Variants in PRSS12 observed in about 807,000 individuals in gnomAD.
The protein encoded by PRSS12 is serine protease 12.
PRSS12 carries 85 observed loss-of-function variants against 104.4 expected under a neutral mutation model. That is an observed-to-expected ratio of 0.81 (90% CI 0.68 to 0.98). The LOEUF (loss-of-function observed/expected upper bound fraction) is 0.98, where lower values mean the gene tolerates loss of function less well. Among genes scored for constraint, PRSS12 ranks in the 50% least tolerant of loss-of-function variants. The pLI, the probability that PRSS12 is intolerant of heterozygous loss-of-function variation, is 0.00. For missense variants in PRSS12, 1,141 were observed against 1,139.2 expected (o/e 1.00, Z -0.02); for synonymous variants, 454 against 425.2 (o/e 1.07, Z -0.83).
Position 118,282,165 on chromosome 4 carries a change from C to T in PRSS12, c.2399G>A (p.Gly800Asp), listed in dbSNP as rs553524540. The T allele has an allele frequency of 3.7e-6, 6 of 1,614,214 alleles. No individual in the cohort carries two copies. The South Asian group carries it at 6.6e-5, about 18-fold the overall frequency. Residue 800 changes from glycine to aspartate, a missense_variant, in exon 13 of 13, where the codon GGT becomes GAT. Physicochemically the swap from Gly to Asp is moderately conservative, Grantham distance 94. Transcript: ENST00000296498. ...PKRFCEERYK[G>D]RFTGRMLCAG... ...ACAAAGCATTCTCCCTGTAAACCGA[C>T]CCTTATAACGTTCTTCACAAAACCT...
At chr4:118,318,049 TG>T (rs1723495826) in intron 5 of PRSS12, among the ~76,000 whole-genome samples, 2 of 152,176 alleles carry the variant, frequency 1.3e-5, no homozygotes, top group Non-Finnish European at 2.9e-5. Flanking sequence ...AATAGATGAA[TG>T]GACTAAAGAT....
intron 11 of PRSS12, among the ~76,000 whole-genome samples, chr4:118,292,016 C>T (rs1020695385): frequency 1.3e-5 from 2 of 151,594 alleles, no homozygotes; most frequent in African/African-American, 4.8e-5. Context: ...CGATGACACG[C>T]GTATACCTAT....
intron 7 of PRSS12, among the ~76,000 whole-genome samples, chr4:118,309,903 T>C (rs766136827): frequency 2.0e-5 from 3 of 152,212 alleles, no homozygotes; most frequent in Admixed American, 6.5e-5. Flanking sequence ...CATTTTTTAC[T>C]TCTCCATCCT....
Position 118,298,930 on chromosome 4 carries a change from G to T in PRSS12, c.1640C>A (p.Ala547Asp), listed in dbSNP as rs201005601. The change falls in exon 9 of 13, where the codon GCC (alanine) becomes GAC (aspartate). Residue 547 changes from alanine to aspartate, a missense_variant. Transcript: ENST00000296498. ...ICRQLGYKGP[A>D]RARTMAYFGE... is the part of the protein sequence containing the mutation. ...AAAGTAAGCCATGGTTCTTGCTCTGGCAGGACCCCTGAAGACAGAACATTC... is the reference window on the plus strand; with the variant it reads ...AAAGTAAGCCATGGTTCTTGCTCTGTCAGGACCCCTGAAGACAGAACATTC... 199 of 1,613,948 alleles carry T rather than the reference G, an allele frequency of 1.2e-4. No individual in the cohort carries two copies. The highest frequency in any genetic ancestry group is 1.5e-4 in the Non-Finnish European group (174 of 1,180,012).
chr4:118,295,619 T>C (rs373195788), intron 10 of PRSS12, among the ~76,000 whole-genome samples, 159 bp downstream of exon 10: 1 of 152,190 alleles, frequency 6.6e-6, no homozygotes, highest in Non-Finnish European at 1.5e-5. Flanking sequence ...CAAGTAAACA[T>C]AGGTCAAAGG....
chr4:118,343,232 A>C (rs1295285587), intron 1 of PRSS12, among the ~76,000 whole-genome samples: 1 of 152,042 alleles, frequency 6.6e-6, no homozygotes, highest in Non-Finnish European at 1.5e-5. Flanking sequence ...TTACAAAAAA[A>C]AAAAAATTAA....
chr4:118,308,245 T>C (rs974960071), intron 8 of PRSS12, among the ~76,000 whole-genome samples, 191 bp downstream of exon 8: 3 of 152,244 alleles, frequency 2.0e-5, no homozygotes, highest in Non-Finnish European at 2.9e-5. Flanking sequence ...TAATATTTTC[T>C]GTGAGTAGAA....
intron 11 of PRSS12, 63 bp from the exon 12 acceptor site, chr4:118,283,174 G>T: frequency 6.4e-7 from 1 of 1,554,874 alleles, no homozygotes. Context: ...TGTCAAGAAG[G>T]AAGACTAATG....
intron 8 of PRSS12, chr4:118,305,961 A>T (rs1440263895): frequency 6.6e-6 from 1 of 152,104 alleles, no homozygotes; most frequent in African/African-American, 2.4e-5. Flanking sequence ...TTCTTCATCC[A>T]TTCATTTAGG....
chr4:118,338,042 C>T, intron 2 of PRSS12, 134 bp downstream of exon 2: 1 of 1,165,216 alleles, frequency 8.6e-7, no homozygotes, highest in East Asian at 2.5e-5. Flanking sequence ...TTCTTTATAG[C>T]TCTTTTGTGA....
At position 118,316,837 on chromosome 4, in the gene PRSS12, A is replaced by AAAAAAAATATAT. The variant is rs35698159; in HGVS notation, c.1151-515_1151-514insATATATTTTTTT. 7.5e-3 allele frequency among the ~76,000 whole-genome samples: 747 copies of AAAAAAAATATAT among 99,126 alleles called. 7 individuals are homozygous for AAAAAAAATATAT. Among genetic ancestry groups the AAAAAAAATATAT allele is most frequent in the African/African-American group, 0.015 (441 of 28,848 alleles). The allele number at this position is 99,126 out of a possible 152,430, so 65.0% of individuals were successfully genotyped here. A position where few individuals can be genotyped will look rare whatever the true frequency, so the allele number is the denominator to read the frequency against. On this transcript the variant is annotated intron_variant, in intron 5 of 12. Transcript: ENST00000296498. ...ACTCCGTCTCACGGAAAAAAAAAAA[A>AAAAAAAATATAT]ATATATATATATATATATATCTTTC...
Position 118,315,163 on chromosome 4 carries a change from T to C in PRSS12, c.1292+1019A>G, listed in dbSNP as rs77431768. On this transcript the variant is annotated intron_variant, in intron 6 of 12. Coordinates refer to ENST00000296498, the MANE Select transcript of PRSS12 (RefSeq NM_003619.4). ...TGACCTAATATTAAGTAAATTACAGTATGAAAATTCTGTGGATATTGTTTT... is the reference window on the plus strand; with the variant it reads ...TGACCTAATATTAAGTAAATTACAGCATGAAAATTCTGTGGATATTGTTTT... 1.5e-3 allele frequency among the ~76,000 whole-genome samples: 228 copies of C among 152,232 alleles called. 1 individual carries two copies. The highest frequency in any genetic ancestry group is 0.01 in the Middle Eastern group (3 of 292).
intron 4 of PRSS12, among the ~76,000 whole-genome samples, chr4:118,322,770 T>C (rs1021911696): frequency 6.6e-6 from 1 of 151,894 alleles, no homozygotes; most frequent in Admixed American, 6.6e-5. Flanking sequence ...GGTTCCTTTT[T>C]ACAGGGAAGA....
At chr4:118,337,406 G>A (rs1452916474) in intron 2 of PRSS12, among the ~76,000 whole-genome samples, 1 of 152,148 alleles carries the variant, frequency 6.6e-6, no homozygotes, top group Admixed American at 6.5e-5. Flanking sequence ...AATAAAACCT[G>A]TTGTCCCAAA....
chr4:118,282,027 CAGG>C lies in PRSS12; in HGVS notation c.2534_2536del (p.Ser845del). ...ATCCTTGACTCCACAGCCATACCCC[CAGG>C]AGGTCACCCCATACACCACCCAGCT... On this transcript the variant is annotated inframe_deletion, in exon 13 of 13. Coordinates refer to ENST00000296498, the MANE Select transcript of PRSS12 (RefSeq NM_003619.4). The C allele has an allele frequency of 6.2e-7, 1 of 1,613,246 alleles. No homozygotes were observed. Among genetic ancestry groups the C allele is most frequent in the Non-Finnish European group, 8.5e-7 (1 of 1,179,174 alleles).
chr4:118,341,759 C>A (rs1724217936), intron 1 of PRSS12, among the ~76,000 whole-genome samples: 1 of 152,154 alleles, frequency 6.6e-6, no homozygotes, highest in South Asian at 2.1e-4. Context: ...AAGCTACAGA[C>A]CAAAGCAACT....
At chr4:118,325,534 GA>G (rs1723749033) in intron 4 of PRSS12, among the ~76,000 whole-genome samples, 2 of 152,172 alleles carry the variant, frequency 1.3e-5, no homozygotes, top group South Asian at 4.1e-4. Flanking sequence ...TTTAAGTTAA[GA>G]AAACAGTATT....
chr4:118,320,861 A>T (rs1723599187), intron 4 of PRSS12, among the ~76,000 whole-genome samples: 1 of 152,026 alleles, frequency 6.6e-6, no homozygotes, highest in Admixed American at 6.6e-5. Flanking sequence ...TGCCAAACTC[A>T]AAATTTGAGT....
Position 118,331,814 on chromosome 4 carries a change from G to A in PRSS12, c.873C>T (p.Gly291=). Residue 291 remains glycine, a synonymous_variant, in exon 4 of 13, where the codon GGC becomes GGT. Coordinates refer to ENST00000296498, the MANE Select transcript of PRSS12 (RefSeq NM_003619.4). ...RLAGGSSVHE[G]RVELYHAGQW... is the part of the protein sequence containing the mutation. ...GGCCAGCATGGTAGAGCTCCACCCGGCCTTCATGCACACTGCTGCCTCCAG... is the reference window on the plus strand; with the variant it reads ...GGCCAGCATGGTAGAGCTCCACCCGACCTTCATGCACACTGCTGCCTCCAG... 2 of 1,614,132 alleles carry A rather than the reference G, an allele frequency of 1.2e-6. No homozygotes were observed. The highest frequency in any genetic ancestry group is 1.7e-6 in the Non-Finnish European group (2 of 1,180,030).
Sources: gnomAD v4.1 joint callset for allele counts (sites outside exome capture counted in the v4.1 genomes callset) on GRCh38, gnomAD v4.1.1 for gene constraint, MANE v1.5 for transcripts, NCBI Gene and HGNC (gene_info 2026-07-23, HGNC 2026-07-21) for gene names.